The following USP32 variants were observed in gnomAD, a reference collection of about 807,000 sequenced individuals.
USP32 encodes ubiquitin specific peptidase 32, also known as ubiquitin carboxyl-terminal hydrolase 32.
In USP32, 59 loss-of-function variants were observed where a neutral mutation model predicts 204.8. The ratio of observed to expected loss-of-function variants is 0.29; its 90% CI spans 0.23 to 0.36. The LOEUF (loss-of-function observed/expected upper bound fraction) is 0.36. Among genes scored for constraint, USP32 ranks in the 10% least tolerant of loss-of-function variants. The pLI is 1.00. For missense variants in USP32, 1,160 were observed against 1,946.4 expected (o/e 0.60, Z 7.60); for synonymous variants, 517 against 678.4 (o/e 0.76, Z 3.70).
chr17:60,297,555 T>C (rs2145878557), intron 3 of USP32, among the ~76,000 whole-genome samples: 1 of 151,898 alleles, frequency 6.6e-6, no homozygotes, highest in South Asian at 2.1e-4. Flanking sequence ...TTCAAGCAAT[T>C]CTCCTGTCTC....
chr17:60,387,602 C>T (rs763568797), intron 1 of USP32, among the ~76,000 whole-genome samples: 1 of 152,144 alleles, frequency 6.6e-6, no homozygotes, highest in East Asian at 1.9e-4. Flanking sequence ...CAAGTTAGAA[C>T]TATAAACAGA....
At chr17:60,399,390 C>G (rs1598317310) in intron 1 of USP32, among the ~76,000 whole-genome samples, 1 of 152,086 alleles carries the variant, frequency 6.6e-6, no homozygotes, top group African/African-American at 2.4e-5. Context: ...CATGGTGGCT[C>G]ATACTTGTAA....
intron 1 of USP32, among the ~76,000 whole-genome samples, chr17:60,405,545 T>C (rs1402602043): frequency 6.6e-6 from 1 of 152,128 alleles, no homozygotes; most frequent in Non-Finnish European, 1.5e-5. Context: ...TTGAATTGCT[T>C]GAGCCCAAGA....
intron 2 of USP32, among the ~76,000 whole-genome samples, chr17:60,330,949 A>T (rs1010584713): frequency 6.6e-6 from 1 of 152,188 alleles, no homozygotes; most frequent in Admixed American, 6.5e-5. Flanking sequence ...ATCACAAGTT[A>T]ACTGTACTTG....
chr17:60,349,656 TATATATACAC>T (rs2088900533), intron 1 of USP32, among the ~76,000 whole-genome samples: 1 of 107,338 alleles, frequency 9.3e-6, no homozygotes, highest in African/African-American at 6.0e-5. Flanking sequence ...TATATATACA[TATATATACAC>T]ATATATATAT....
At chr17:60,308,524 A>C (rs994320633) in intron 2 of USP32, among the ~76,000 whole-genome samples, 3 of 152,220 alleles carry the variant, frequency 2.0e-5, no homozygotes, top group African/African-American at 7.2e-5. Context: ...TATAAATCCA[A>C]AAATTTACAA....
At position 60,211,533 on chromosome 17, in the gene USP32, G is replaced by A; in HGVS notation, c.2180-19C>T. ...GTGGGAACTGGAACAAACAATATGA[G>A]AACCAAAGCTTAGCTGTAGTAATAT... On this transcript the variant is annotated intron_variant, in intron 19 of 33. Transcript: ENST00000300896. 6.2e-7 allele frequency: 1 copy of A among 1,600,350 alleles called. No individual in the cohort carries two copies. Among genetic ancestry groups the A allele is most frequent in the South Asian group, 1.1e-5 (1 of 88,612 alleles).
chr17:60,211,951 T>G, intron 19 of USP32, 73 bp downstream of exon 19: 1 of 1,298,924 alleles, frequency 7.7e-7, no homozygotes, highest in East Asian at 2.6e-5. Flanking sequence ...TGTTAGCACT[T>G]TAACAGTTGA....
upstream of USP32, among the ~76,000 whole-genome samples, chr17:60,396,697 G>A (rs1267246687): frequency 1.3e-5 from 2 of 152,050 alleles, no homozygotes; most frequent in African/African-American, 4.8e-5. Context: ...AAGACACACA[G>A]GATTCCTAAA....
intron 2 of USP32, among the ~76,000 whole-genome samples, chr17:60,306,655 T>C (rs1164425315): frequency 4.0e-5 from 6 of 151,524 alleles, no homozygotes; most frequent in Non-Finnish European, 7.4e-5. Flanking sequence ...AAAAAAAATG[T>C]CTTTAGCTAT....
intron 1 of USP32, among the ~76,000 whole-genome samples, chr17:60,390,363 T>G (rs2089809421): frequency 6.6e-6 from 1 of 152,218 alleles, no homozygotes; most frequent in African/African-American, 2.4e-5. Flanking sequence ...TTTCATGCCA[T>G]GTAAGCCATT....
intron 18 of USP32, among the ~76,000 whole-genome samples, 170 bp downstream of exon 18, chr17:60,213,411 A>G (rs1287057382): frequency 6.6e-6 from 1 of 151,978 alleles, no homozygotes; most frequent in Non-Finnish European, 1.5e-5. Flanking sequence ...AGGATTACAT[A>G]AGAGTTCAAA....
Position 60,183,398 on chromosome 17 carries a change from T to C in USP32, c.3890A>G (p.Lys1297Arg). 1 of 1,613,466 alleles carries C rather than the reference T, an allele frequency of 6.2e-7. No individual in the cohort carries two copies. The change falls in exon 31 of 34, where the codon AAA becomes AGA. Residue 1297 changes from lysine to arginine, a missense_variant. By Grantham distance (26) the Lys-to-Arg change is conservative. Transcript: ENST00000300896. ...FVNGRWIKSQ[K>R]IVKFPRESFD... The stretch of plus-strand genomic sequence containing the variant: ...ACTTTCCCGAGGAAATTTGACAATT[T>C]TCTGTGATTTTATCCACCGACCATT...
chr17:60,207,216 T>C (rs1416642612), intron 24 of USP32, 84 bp from the exon 25 acceptor site: 4 of 1,505,658 alleles, frequency 2.7e-6, no homozygotes, highest in South Asian at 1.3e-5. Context: ...TTCAAAAGAA[T>C]GTCTTAGGCG....
intron 2 of USP32, among the ~76,000 whole-genome samples, chr17:60,321,839 A>C (rs935041572): frequency 6.6e-6 from 1 of 151,610 alleles, no homozygotes; most frequent in African/African-American, 2.4e-5. Flanking sequence ...TTAATCATTA[A>C]CACCTCAGTG....
chr17:60,394,898 C>T (rs561074598), upstream of USP32, among the ~76,000 whole-genome samples: 21 of 152,240 alleles, frequency 1.4e-4, no homozygotes, highest in South Asian at 6.2e-4. Flanking sequence ...CGCACACCAT[C>T]CCGCCCGGCT....
At chr17:60,417,981 G>A (rs928529842) in intron 1 of USP32, among the ~76,000 whole-genome samples, 10 of 134,698 alleles carry the variant, frequency 7.4e-5, no homozygotes, top group Admixed American at 2.2e-4. Context: ...TTTTTGAGAC[G>A]GAGTTTCACT....
chr17:60,253,111 A>AGTTAGAG (rs11268466), intron 10 of USP32, among the ~76,000 whole-genome samples: 32,050 of 151,886 alleles, frequency 0.21, 8,392 homozygotes, highest in African/African-American at 0.62. Context: ...TTTATTCATT[A>AGTTAGAG]TCACAAAAAT....
chr17:60,403,762 G>A (rs1365046492), intron 1 of USP32, among the ~76,000 whole-genome samples: 1 of 152,158 alleles, frequency 6.6e-6, no homozygotes, highest in South Asian at 2.1e-4. Flanking sequence ...AACATGGGCC[G>A]GGAGCAATGG....
Sources: gnomAD v4.1 joint callset for allele counts (sites outside exome capture counted in the v4.1 genomes callset) on GRCh38, gnomAD v4.1.1 for gene constraint, MANE v1.5 for transcripts, NCBI Gene and HGNC (gene_info 2026-07-23, HGNC 2026-07-21) for gene names.